The following STON2 variants were observed in gnomAD, a reference collection of about 807,000 sequenced individuals.
STON2 encodes stonin 2, also known as stonin-2.
A neutral mutation model predicts 65.7 loss-of-function variants in STON2; 29 were observed. The ratio of observed to expected loss-of-function variants is 0.44; its 90% CI spans 0.33 to 0.60. STON2 has a LOEUF of 0.60. Among genes scored for constraint, STON2 ranks in the 20% least tolerant of loss-of-function variants. The probability of loss-of-function intolerance (pLI) is 0.03; values close to 1 mark genes in which losing one functional copy is unlikely to be tolerated. For missense variants in STON2, 1,054 were observed against 1,118.1 expected (o/e 0.94, Z 0.82); for synonymous variants, 404 against 414.2 (o/e 0.98, Z 0.30).
upstream of STON2, among the ~76,000 whole-genome samples, chr14:81,405,123 T>C (rs1270906866): frequency 6.6e-6 from 1 of 152,124 alleles, no homozygotes; most frequent in Non-Finnish European, 1.5e-5. Flanking sequence ...TGTATGTCCA[T>C]TTTTTCATTA....
chr14:81,316,616 G>T (rs1297150743), intron 5 of STON2, among the ~76,000 whole-genome samples: 3 of 152,190 alleles, frequency 2.0e-5, no homozygotes, highest in African/African-American at 7.2e-5. Context: ...TCTCAGGAAG[G>T]TTACATAATC....
At chr14:81,298,642 A>T (rs916357905) in intron 5 of STON2, among the ~76,000 whole-genome samples, 28 of 152,224 alleles carry the variant, frequency 1.8e-4, no homozygotes, top group Admixed American at 1.6e-3. Flanking sequence ...TGTTGAACAG[A>T]ACCATGCTAG....
chr14:81,388,490 C>T (rs1049133370), intron 3 of STON2, among the ~76,000 whole-genome samples: 2 of 152,132 alleles, frequency 1.3e-5, no homozygotes, highest in African/African-American at 4.8e-5. Flanking sequence ...AGGGTGGGGA[C>T]TAACAACTCC....
chr14:81,361,540 A>T (rs1244389569), intron 4 of STON2, among the ~76,000 whole-genome samples: 1 of 152,166 alleles, frequency 6.6e-6, no homozygotes, highest in Non-Finnish European at 1.5e-5. Context: ...GAAACTGTAA[A>T]ACTATTGGAA....
At chr14:81,307,917 G>A (rs532897306) in intron 5 of STON2, among the ~76,000 whole-genome samples, 8 of 152,208 alleles carry the variant, frequency 5.3e-5, no homozygotes, top group Non-Finnish European at 1.0e-4. Flanking sequence ...ATGTTTTTGG[G>A]GAGTCAAGTT....
At chr14:81,421,657 GA>G (rs945633784) in intron 2 of STON2, among the ~76,000 whole-genome samples, 1 of 152,120 alleles carries the variant, frequency 6.6e-6, no homozygotes, top group Non-Finnish European at 1.5e-5. Flanking sequence ...GTAGGTGGAT[GA>G]AAAAAACCTT....
At chr14:81,350,679 T>C (rs944929481) in intron 4 of STON2, among the ~76,000 whole-genome samples, 3 of 152,176 alleles carry the variant, frequency 2.0e-5, no homozygotes, top group African/African-American at 7.2e-5. Flanking sequence ...TCTCTTAAGT[T>C]TCTTCTAACT....
chr14:81,335,407 T>C (rs2140278164), intron 4 of STON2, among the ~76,000 whole-genome samples: 1 of 152,276 alleles, frequency 6.6e-6, no homozygotes, highest in South Asian at 2.1e-4. Context: ...TCCAAACACT[T>C]CCTGTCATTT....
upstream of STON2, among the ~76,000 whole-genome samples, chr14:81,401,993 C>G (rs1292883303): frequency 6.6e-6 from 1 of 152,092 alleles, no homozygotes; most frequent in African/African-American, 2.4e-5. Flanking sequence ...CCGCAAGTGA[C>G]AGTAAAAATC....
intron 3 of STON2, among the ~76,000 whole-genome samples, chr14:81,391,462 C>T (rs950143450): frequency 3.3e-5 from 5 of 152,162 alleles, no homozygotes; most frequent in East Asian, 1.9e-4. Flanking sequence ...GGGGGGCTAA[C>T]GCCTAGTCTC....
chr14:81,320,041 G>A (rs561605639), intron 5 of STON2, among the ~76,000 whole-genome samples: 85 of 152,234 alleles, frequency 5.6e-4, no homozygotes, highest in African/African-American at 2.0e-3. Flanking sequence ...GGATTTGTCC[G>A]ATCTCTGCTA....
chr14:81,341,098 G>A (rs934117247), intron 4 of STON2, among the ~76,000 whole-genome samples: 8 of 152,076 alleles, frequency 5.3e-5, no homozygotes, highest in African/African-American at 1.9e-4. Flanking sequence ...AATCATGTAT[G>A]TGACAGCTTT....
chr14:81,435,760 G>A (rs1006287950), intron 1 of STON2, among the ~76,000 whole-genome samples: 3 of 152,154 alleles, frequency 2.0e-5, no homozygotes, highest in African/African-American at 4.8e-5. Flanking sequence ...AGAGGCGGGT[G>A]TCAGGCAAAT....
chr14:81,422,327 C>T (rs1901745464), intron 2 of STON2, among the ~76,000 whole-genome samples: 1 of 152,160 alleles, frequency 6.6e-6, no homozygotes, highest in African/African-American at 2.4e-5. Flanking sequence ...GCTATGTGAT[C>T]TCTGCACACC....
At chr14:81,373,576 C>A (rs921800449) in intron 3 of STON2, among the ~76,000 whole-genome samples, 2 of 152,098 alleles carry the variant, frequency 1.3e-5, no homozygotes, top group African/African-American at 2.4e-5. Flanking sequence ...AAAGCTGCAA[C>A]CCCAAAAGAG....
rs113721630 is a variant in STON2, at chr14:81,261,961, A to G, written c.*6453T>C. ...GGAAATGATAAAAAAAAAAAAAAAA[A>G]AGAGAGAGATGTGAAAAGGAAAAAG... On this transcript the variant is annotated 3_prime_UTR_variant, in exon 8 of 8. Transcript: ENST00000614646. 19,307 of 1,418,650 alleles carry G rather than the reference A, an allele frequency of 0.014. 90 individuals carry two copies. The highest frequency in any genetic ancestry group is 0.015 in the Non-Finnish European group (16,150 of 1,090,828). 87.9% of individuals were successfully genotyped at this position (1,418,650 alleles called of 1,614,324 possible).
chr14:81,293,848 G>C (rs1895657985), intron 5 of STON2, among the ~76,000 whole-genome samples: 1 of 152,046 alleles, frequency 6.6e-6, no homozygotes, highest in East Asian at 1.9e-4. Flanking sequence ...CACAGGTAGG[G>C]GAATGCTCAA....
chr14:81,347,902 C>CAAA (rs755109204), intron 4 of STON2, among the ~76,000 whole-genome samples: 11,850 of 51,410 alleles, frequency 0.23, 1,300 homozygotes, highest in Non-Finnish European at 0.3. Flanking sequence ...TGTCTCTTAC[C>CAAA]AAAAAAAAAA....
chr14:81,433,507 T>C (rs1284787113), intron 1 of STON2, among the ~76,000 whole-genome samples: 2 of 152,192 alleles, frequency 1.3e-5, no homozygotes, highest in African/African-American at 4.8e-5. Flanking sequence ...CCTGATCTTG[T>C]TTCCTTCAGC....
Sources: gnomAD v4.1 joint callset for allele counts (sites outside exome capture counted in the v4.1 genomes callset) on GRCh38, gnomAD v4.1.1 for gene constraint, MANE v1.5 for transcripts, NCBI Gene and HGNC (gene_info 2026-07-23, HGNC 2026-07-21) for gene names.